BICD2: variants seen among roughly 807,000 people sequenced by gnomAD.
The protein encoded by BICD2 is protein bicaudal D homolog 2.
A neutral mutation model predicts 72.9 loss-of-function variants in BICD2; 25 were observed. That is an observed-to-expected ratio of 0.34 (90% CI 0.25 to 0.48). The LOEUF (loss-of-function observed/expected upper bound fraction) is 0.48, where lower values mean the gene tolerates loss of function less well. Among genes scored for constraint, BICD2 ranks in the 20% least tolerant of loss-of-function variants. The pLI is 0.99. For synonymous variants in BICD2, 501 were observed against 516.1 expected, an observed-to-expected ratio of 0.97 and a Z score of 0.40; for missense variants, 894 against 1,175.2, an observed-to-expected ratio of 0.76 and a Z score of 3.50.
chr9:92,758,290 G>A (rs1463520959), intron 1 of BICD2, among the ~76,000 whole-genome samples: 6 of 151,342 alleles, frequency 4.0e-5, no homozygotes, highest in African/African-American at 7.3e-5. Context: ...AGTGGCTCAC[G>A]CCTGTAATCC....
At position 92,719,267 on chromosome 9, in the gene BICD2, G is replaced by T; in HGVS notation, c.1378C>A (p.His460Asn). Residue 460 changes from histidine to asparagine, a missense_variant, in exon 5 of 7, where the codon CAC becomes AAC. By Grantham distance (68) the His-to-Asn change is moderately conservative. Coordinates refer to ENST00000356884, the MANE Select transcript of BICD2 (RefSeq NM_001003800.2). Reference protein sequence around the residue: ...REQLKALRSTHEAREAQHAEE... With the variant: ...REQLKALRSTNEAREAQHAEE... The stretch of plus-strand genomic sequence containing the variant: ...GCGTGCTGGGCCTCACGAGCCTCGT[G>T]CGTGCTGCGCAGTGCCTTGAGCTGC... 6.2e-7 allele frequency: 1 copy of T among 1,613,598 alleles called. No homozygotes were observed. The highest frequency in any genetic ancestry group is 8.5e-7 in the Non-Finnish European group (1 of 1,180,012).
intron 1 of BICD2, among the ~76,000 whole-genome samples, chr9:92,737,504 C>T (rs1354538507): frequency 1.3e-5 from 2 of 152,104 alleles, no homozygotes; most frequent in East Asian, 1.9e-4. Flanking sequence ...TGGGGCAGCG[C>T]GTGGGAGACT....
At chr9:92,732,042 T>A (rs748114792) in intron 1 of BICD2, among the ~76,000 whole-genome samples, 1 of 151,936 alleles carries the variant, frequency 6.6e-6, no homozygotes, top group African/African-American at 2.4e-5. Context: ...CATGAAGGAA[T>A]ACAAAAACAT....
intron 4 of BICD2, among the ~76,000 whole-genome samples, chr9:92,719,920 T>C (rs149962656): frequency 1.2e-3 from 185 of 152,330 alleles, no homozygotes; most frequent in African/African-American, 4.1e-3. Context: ...CCTAGCCCTC[T>C]GCTTCGGAGG....
intron 1 of BICD2, among the ~76,000 whole-genome samples, chr9:92,757,406 G>A (rs1275430268): frequency 6.6e-6 from 1 of 150,960 alleles, no homozygotes; most frequent in East Asian, 1.9e-4. Flanking sequence ...CAAAGTAACT[G>A]TAAAATGAAA....
intron 1 of BICD2, among the ~76,000 whole-genome samples, chr9:92,757,443 A>C (rs964899999): frequency 3.3e-5 from 5 of 152,180 alleles, no homozygotes; most frequent in African/African-American, 1.2e-4. Flanking sequence ...GGGAAATCCA[A>C]ACACTGACTG....
chr9:92,752,527 G>C (rs1185941746), intron 1 of BICD2, among the ~76,000 whole-genome samples: 2 of 152,178 alleles, frequency 1.3e-5, no homozygotes, highest in African/African-American at 4.8e-5. Flanking sequence ...CAGCACTTTA[G>C]AAGGCCAAGA....
Position 92,764,553 on chromosome 9 carries a change from G to A in BICD2, c.192C>T (p.Leu64=), listed in dbSNP as rs1854441864. 6.5e-7 allele frequency: 1 copy of A among 1,549,480 alleles called. No homozygotes were observed. Among genetic ancestry groups the A allele is most frequent in the Non-Finnish European group, 8.7e-7 (1 of 1,147,354 alleles). The change falls in exon 1 of 7, where the codon CTC becomes CTT. Residue 64 remains leucine, a synonymous_variant. Coordinates refer to ENST00000356884, the MANE Select transcript of BICD2 (RefSeq NM_001003800.2). This position sits in a 1 kb window ranked among gnomAD's most constrained non-coding sequence, Gnocchi z 5.5. ...TGCGGATAGCCTCATAGTCCACCTC[G>A]AGCTCCTCGAACTGCAGCTTGAGCT... The part of the protein sequence containing the change: ...KHQLKLQFEE[L]EVDYEAIRSE...
At chr9:92,742,498 C>A (rs1376988038) in intron 1 of BICD2, among the ~76,000 whole-genome samples, 1 of 152,004 alleles carries the variant, frequency 6.6e-6, no homozygotes, top group African/African-American at 2.4e-5. Flanking sequence ...TATTCTCCTG[C>A]CTCGGCCTCC....
chr9:92,750,680 T>G (rs1854128423), intron 1 of BICD2, among the ~76,000 whole-genome samples: 1 of 151,798 alleles, frequency 6.6e-6, no homozygotes, highest in Non-Finnish European at 1.5e-5. Flanking sequence ...TTTAAGGCAG[T>G]GAAACTATTC....
At position 92,744,542 on chromosome 9, in the gene BICD2, G is replaced by A. The variant is rs1409063220; in HGVS notation, c.241-15306C>T. 2.0e-5 allele frequency among the ~76,000 whole-genome samples: 3 copies of A among 152,100 alleles called. No individual in the cohort carries two copies. In the East Asian group the frequency reaches 5.8e-4, roughly 29 times the overall value. Reference sequence around the variant, plus strand: ...AAGCTTATTTTTATTAAAAACTAGTGTAATATGAAAACTATTGGGCCAGGC... The same window carrying A: ...AAGCTTATTTTTATTAAAAACTAGTATAATATGAAAACTATTGGGCCAGGC... On this transcript the variant is annotated intron_variant, in intron 1 of 6. Transcript: ENST00000356884.
intron 1 of BICD2, among the ~76,000 whole-genome samples, chr9:92,761,396 C>T (rs1193769553): frequency 6.6e-6 from 1 of 152,202 alleles, no homozygotes; most frequent in African/African-American, 2.4e-5. Context: ...CACCCAATTC[C>T]ACCCACGTGC....
In BICD2 at chr9:92,728,664, G is replaced by A. The variant is rs555699196; in HGVS notation, c.453+360C>T. Reference sequence around the variant, plus strand: ...CACAAAACATTCCCAGGGCAGGGGGGAGTCCAATGACGAGGAGTGCCCCAT... The same window carrying A: ...CACAAAACATTCCCAGGGCAGGGGGAAGTCCAATGACGAGGAGTGCCCCAT... On this transcript the variant is annotated intron_variant, in intron 2 of 6. Transcript: ENST00000356884. 1.8e-3 allele frequency among the ~76,000 whole-genome samples: 280 copies of A among 152,340 alleles called. 2 individuals carry two copies. Among genetic ancestry groups the A allele is most frequent in the African/African-American group, 6.4e-3 (264 of 41,574 alleles).
In BICD2 at chr9:92,764,477, G is replaced by A; in HGVS notation, c.240+28C>T. ...CCCACAGGCCCCGGCGCCGGGCGGG[G>A]GTCGCAGGGCAGGGCGGCTCGGCTC... On this transcript the variant is annotated intron_variant, in intron 1 of 6. Coordinates refer to ENST00000356884, the MANE Select transcript of BICD2 (RefSeq NM_001003800.2). The surrounding 1 kb of genome is among the most constrained non-coding windows in gnomAD (Gnocchi z 5.5). The A allele has an allele frequency of 2.0e-6, 3 of 1,465,974 alleles. No individual in the cohort carries two copies. Among genetic ancestry groups the A allele is most frequent in the Non-Finnish European group, 2.7e-6 (3 of 1,101,124 alleles). The allele number at this position is 1,465,974 out of a possible 1,614,324, so 90.8% of individuals were successfully genotyped here.
At chr9:92,750,506 C>A (rs1472700092) in intron 1 of BICD2, among the ~76,000 whole-genome samples, 1 of 151,644 alleles carries the variant, frequency 6.6e-6, no homozygotes, top group Non-Finnish European at 1.5e-5. Flanking sequence ...ATCTTAAGTG[C>A]ATATTGCTAA....
In BICD2 at chr9:92,764,409, G is replaced by A. The variant is rs1246434124; in HGVS notation, c.240+96C>T. On this transcript the variant is annotated intron_variant, in intron 1 of 6. Coordinates refer to ENST00000356884, the MANE Select transcript of BICD2 (RefSeq NM_001003800.2). This position sits in a 1 kb window ranked among gnomAD's most constrained non-coding sequence, Gnocchi z 5.5. ...CGGCGGCCCACCCCTGCCGGCCCCC[G>A]CTTGGCAAGCTGACCTTGGCCGCCC... is the stretch of plus-strand genomic sequence containing the variant. 1.5e-6 allele frequency: 2 copies of A among 1,352,486 alleles called. No individual in the cohort carries two copies. The highest frequency in any genetic ancestry group is 1.5e-5 in the African/African-American group (1 of 64,758). The allele number at this position is 1,352,486 out of a possible 1,614,324, so 83.8% of individuals were successfully genotyped here.
At chr9:92,729,322 T>C (rs901623849) in intron 1 of BICD2, 86 bp from the exon 2 acceptor site, 15 of 1,408,276 alleles carry the variant, frequency 1.1e-5, no homozygotes, top group Non-Finnish European at 1.4e-5. Flanking sequence ...ACATTCATGC[T>C]GCAGAACAAC....
chr9:92,716,238 C>A (rs928618026), intron 6 of BICD2, among the ~76,000 whole-genome samples: 10 of 152,180 alleles, frequency 6.6e-5, no homozygotes, highest in African/African-American at 2.4e-4. Flanking sequence ...GCACCCTCTC[C>A]AAGGACTCTG....
Position 92,714,634 on chromosome 9 carries a change from A to G in BICD2, c.*520T>C. 1.0e-6 allele frequency: 1 copy of G among 986,112 alleles called. No homozygotes were observed. 61.1% of individuals were successfully genotyped at this position (986,112 alleles called of 1,614,324 possible). A position where few individuals can be genotyped will look rare whatever the true frequency, so the allele number is the denominator to read the frequency against. Reference sequence around the variant, plus strand: ...TATGATTTGCAGTCAGATACTGCATAAACTACAACGTACTCCTTTCCATGA... The same window carrying G: ...TATGATTTGCAGTCAGATACTGCATGAACTACAACGTACTCCTTTCCATGA... On this transcript the variant is annotated 3_prime_UTR_variant, in exon 7 of 7. Coordinates refer to ENST00000356884, the MANE Select transcript of BICD2 (RefSeq NM_001003800.2).
Sources: allele counts gnomAD v4.1 joint callset (sites outside exome capture counted in the v4.1 genomes callset), GRCh38; gene constraint gnomAD v4.1.1; non-coding constraint Gnocchi (gnomAD v3.1); transcripts MANE v1.5; gene names NCBI Gene and HGNC (gene_info 2026-07-23, HGNC 2026-07-21).